Variants in CDH12 observed in about 807,000 individuals in gnomAD.
CDH12 encodes the protein cadherin-12.
Under a neutral mutation model 74.1 loss-of-function variants are expected in CDH12, and 41 were observed. That is an observed-to-expected ratio of 0.55 (90% CI 0.43 to 0.72). CDH12 has a LOEUF of 0.72. Ranked by LOEUF, CDH12 falls within the 30% of genes least tolerant of loss-of-function variation. The pLI is 0.00. For synonymous variants in CDH12, 399 were observed against 355.0 expected (o/e 1.12, Z -1.39); for missense variants, 945 against 977.2 (o/e 0.97, Z 0.44).
intron 6 of CDH12, among the ~76,000 whole-genome samples, chr5:21,902,661 T>C (rs1753446515): frequency 6.6e-6 from 1 of 152,198 alleles, no homozygotes; most frequent in African/African-American, 2.4e-5. Flanking sequence ...ACAGAAATGT[T>C]CTCTATCTGC....
intron 6 of CDH12, among the ~76,000 whole-genome samples, chr5:21,962,499 T>C (rs1203838657): frequency 6.6e-6 from 1 of 152,202 alleles, no homozygotes; most frequent in Non-Finnish European, 1.5e-5. Context: ...TATATATCTG[T>C]TCATTTCAAT....
At chr5:22,052,307 A>G (rs1740428690) in intron 5 of CDH12, among the ~76,000 whole-genome samples, 1 of 152,092 alleles carries the variant, frequency 6.6e-6, no homozygotes, top group African/African-American at 2.4e-5. Context: ...TTATTTTACA[A>G]TTTATTGGTT....
At chr5:22,736,661 G>T (rs1580941999) in intron 1 of CDH12, among the ~76,000 whole-genome samples, 1 of 151,584 alleles carries the variant, frequency 6.6e-6, no homozygotes, top group East Asian at 1.9e-4. Flanking sequence ...TTTCACATAT[G>T]TATCAGATAG....
intron 3 of CDH12, among the ~76,000 whole-genome samples, chr5:22,276,602 C>A (rs75590827): frequency 6.6e-6 from 1 of 152,146 alleles, no homozygotes; most frequent in Non-Finnish European, 1.5e-5. Flanking sequence ...TGCAAATGAA[C>A]GTTAACACTT....
chr5:22,613,867 T>C (rs536658198), intron 1 of CDH12, among the ~76,000 whole-genome samples: 7 of 152,104 alleles, frequency 4.6e-5, no homozygotes, highest in Admixed American at 2.6e-4. Flanking sequence ...TGCTAGATTG[T>C]AGCTAAAAAA....
At chr5:22,352,457 C>A (rs1740394710) in intron 3 of CDH12, among the ~76,000 whole-genome samples, 1 of 150,642 alleles carries the variant, frequency 6.6e-6, no homozygotes, top group East Asian at 1.9e-4. Context: ...CTTCTGACGG[C>A]AAAATAATTA....
Sources: allele counts gnomAD v4.1 joint callset (sites outside exome capture counted in the v4.1 genomes callset), GRCh38; gene constraint gnomAD v4.1.1; transcripts MANE v1.5; gene names NCBI Gene and HGNC (gene_info 2026-07-23, HGNC 2026-07-21).